ATP13A4: variants seen among roughly 807,000 people sequenced by gnomAD.
ATP13A4 encodes ATPase 13A4.
In ATP13A4, 114 loss-of-function variants were observed where a neutral mutation model predicts 142.5. That is an observed-to-expected ratio of 0.80 (90% confidence interval 0.69 to 0.93). The LOEUF is 0.93. Among genes scored for constraint, ATP13A4 ranks in the 40% least tolerant of loss-of-function variants. The probability of loss-of-function intolerance (pLI) is 0.00; values close to 1 mark genes in which losing one functional copy is unlikely to be tolerated. For synonymous variants in ATP13A4, 488 were observed against 514.8 expected (o/e 0.95, Z 0.70); for missense variants, 1,392 against 1,454.0 (o/e 0.96, Z 0.69).
chr3:193,426,258 T>C lies in ATP13A4; in HGVS notation c.2842+7587A>G, dbSNP rs78858096. ...TTCAAAGACAAACTTAAAAAAATTC[T>C]ATTTCCAAAAAATGAAATACCTAGA... is the stretch of plus-strand genomic sequence containing the variant. On this transcript the variant is annotated intron_variant, in intron 25 of 29. Transcript: ENST00000342695. Among the ~76,000 whole-genome samples, 380 of 151,936 alleles carry C rather than the reference T, an allele frequency of 2.5e-3. 7 individuals carry two copies. In the South Asian group the frequency reaches 0.034, roughly 14 times the overall value.
Position 193,422,015 on chromosome 3 carries a change from A to T in ATP13A4, c.2843-7265T>A, listed in dbSNP as rs759383371. On this transcript the variant is annotated intron_variant, in intron 25 of 29. Transcript: ENST00000342695. ...ACATAGAGTAGCTGAATAGATTTTAAAAAACAAGACTCATCTACATAATGC... is the reference window on the plus strand; with the variant it reads ...ACATAGAGTAGCTGAATAGATTTTATAAAACAAGACTCATCTACATAATGC... Among the ~76,000 whole-genome samples the T allele has an allele frequency of 1.3e-3, 193 of 149,766 alleles. 10 individuals carry two copies. The highest frequency in any genetic ancestry group is 2.3e-3 in the Non-Finnish European group (154 of 67,582).
chr3:193,571,361 T>TCTTC (rs2108741386), intron 2 of ATP13A4, among the ~76,000 whole-genome samples: 1 of 150,346 alleles, frequency 6.7e-6, no homozygotes, highest in East Asian at 2.0e-4. Context: ...AATAGATAAA[T>TCTTC]CTTCCGTACA....
intron 8 of ATP13A4, among the ~76,000 whole-genome samples, chr3:193,474,736 GA>G (rs1428418783): frequency 4.0e-5 from 6 of 148,698 alleles, no homozygotes; most frequent in Non-Finnish European, 8.9e-5. Flanking sequence ...GAAAGAGAAA[GA>G]AAGAAAGAAA....
At chr3:193,551,939 G>A (rs1723598435) in intron 1 of ATP13A4, among the ~76,000 whole-genome samples, 1 of 152,152 alleles carries the variant, frequency 6.6e-6, no homozygotes, top group East Asian at 1.9e-4. Context: ...GTTCCTGTTT[G>A]CTTTTGGTTT....
chr3:193,540,837 A>C (rs1014013209), intron 1 of ATP13A4, among the ~76,000 whole-genome samples: 1 of 152,226 alleles, frequency 6.6e-6, no homozygotes, highest in Non-Finnish European at 1.5e-5. Flanking sequence ...AAGTAAATAC[A>C]TCAAGCAAAA....
intron 17 of ATP13A4, 106 bp from the exon 18 acceptor site, chr3:193,448,436 A>G (rs547888969): frequency 3.6e-6 from 5 of 1,407,114 alleles, no homozygotes; most frequent in Non-Finnish European, 3.0e-6. Flanking sequence ...CAGTGGTTCA[A>G]GTCATTCTCC....
At chr3:193,531,284 GAGGGAGGGAGGGAGGAAGGA>G (rs1304278310) in intron 1 of ATP13A4, among the ~76,000 whole-genome samples, 3 of 113,250 alleles carry the variant, frequency 2.6e-5, no homozygotes, top group African/African-American at 3.4e-5. Context: ...GGGAGGGAGG[GAGGGAGGGAGGGAGGAAGGA>G]AGGAAGGAAG....
At chr3:193,552,154 A>G (rs2108729660) in intron 1 of ATP13A4, among the ~76,000 whole-genome samples, 1 of 152,132 alleles carries the variant, frequency 6.6e-6, no homozygotes, top group East Asian at 1.9e-4. Flanking sequence ...TTGTGTTTTT[A>G]GTAGAGATGG....
chr3:193,462,915 C>T (rs535408766), intron 12 of ATP13A4, 92 bp from the exon 13 acceptor site: 31 of 1,280,702 alleles, frequency 2.4e-5, no homozygotes, highest in Non-Finnish European at 3.5e-5. Context: ...GAGGCGGAGG[C>T]AAGAGGATCA....
upstream of ATP13A4, among the ~76,000 whole-genome samples, chr3:193,556,090 G>A (rs1188567143): frequency 6.6e-6 from 1 of 152,184 alleles, no homozygotes; most frequent in Non-Finnish European, 1.5e-5. Flanking sequence ...AATTTGGACT[G>A]TACTAGGTGG....
intron 1 of ATP13A4, among the ~76,000 whole-genome samples, chr3:193,546,685 A>G (rs1445538042): frequency 6.6e-6 from 1 of 152,180 alleles, no homozygotes; most frequent in East Asian, 1.9e-4. Context: ...TGTTTTTTCT[A>G]CCATCAGCAA....
intron 8 of ATP13A4, among the ~76,000 whole-genome samples, chr3:193,477,810 G>A (rs1719057380): frequency 6.6e-6 from 1 of 152,018 alleles, no homozygotes. Flanking sequence ...GTCCAGGGGA[G>A]AGCCACGAAG....
rs1039408332 is a variant in ATP13A4, at chr3:193,502,581, T to C, written c.293A>G (p.Asn98Ser). The change falls in exon 3 of 30, where the codon AAC becomes AGC. Residue 98 changes from asparagine to serine, a missense_variant. Coordinates refer to ENST00000342695, the MANE Select transcript of ATP13A4 (RefSeq NM_032279.4). Reference protein sequence around the residue: ...KVIWIYLSALNSAFGLTPDHP... With the variant: ...KVIWIYLSALSSAFGLTPDHP... ...GTCAGGAGTGAGACCAAATGCGCTGTTTAATGCTGACAGGTAGATCCATAT... is the reference window on the plus strand; with the variant it reads ...GTCAGGAGTGAGACCAAATGCGCTGCTTAATGCTGACAGGTAGATCCATAT... 1 of 1,613,814 alleles carries C rather than the reference T, an allele frequency of 6.2e-7. No homozygotes were observed. The highest frequency in any genetic ancestry group is 8.5e-7 in the Non-Finnish European group (1 of 1,179,698).
intron 24 of ATP13A4, 61 bp from the exon 25 acceptor site, chr3:193,433,978 G>A: frequency 7.8e-7 from 1 of 1,282,536 alleles, no homozygotes; most frequent in Non-Finnish European, 1.1e-6. Flanking sequence ...ATTAGATATT[G>A]ATTACATTTA....
chr3:193,558,380 G>C (rs1426773425), upstream of ATP13A4, among the ~76,000 whole-genome samples: 1 of 152,210 alleles, frequency 6.6e-6, no homozygotes, highest in Non-Finnish European at 1.5e-5. Flanking sequence ...ATTTGGTGTG[G>C]TCTGAATTCT....
chr3:193,519,586 T>C (rs1454132490), intron 1 of ATP13A4, among the ~76,000 whole-genome samples: 1 of 151,820 alleles, frequency 6.6e-6, no homozygotes, highest in Admixed American at 6.6e-5. Context: ...ATGTGCCCTT[T>C]ATAATACTTT....
intron 13 of ATP13A4, among the ~76,000 whole-genome samples, chr3:193,460,933 T>A (rs1435530031): frequency 6.6e-6 from 1 of 152,214 alleles, no homozygotes; most frequent in Admixed American, 6.5e-5. Context: ...TGAGCTCACC[T>A]TTAACAAGAA....
At chr3:193,521,552 A>G (rs1721716696) in intron 1 of ATP13A4, among the ~76,000 whole-genome samples, 1 of 152,226 alleles carries the variant, frequency 6.6e-6, no homozygotes, top group African/African-American at 2.4e-5. Flanking sequence ...GTTAGATAAC[A>G]CAACTTTGGT....
chr3:193,495,708 T>C (rs537764083), intron 3 of ATP13A4, among the ~76,000 whole-genome samples: 2 of 152,126 alleles, frequency 1.3e-5, no homozygotes, highest in Admixed American at 1.3e-4. Context: ...TTATTCAACA[T>C]ACTACGGGAA....
Sources: allele counts gnomAD v4.1 joint callset (sites outside exome capture counted in the v4.1 genomes callset), GRCh38; gene constraint gnomAD v4.1.1; transcripts MANE v1.5; gene names NCBI Gene and HGNC (gene_info 2026-07-23, HGNC 2026-07-21).